CYRIA: variants seen among roughly 807,000 people sequenced by gnomAD.
CYRIA encodes CYFIP-related Rac1 interactor A.
In CYRIA, 15 loss-of-function variants were observed where a neutral mutation model predicts 43.9. The observed-to-expected ratio is 0.34, with a 90% CI of 0.23 to 0.53. CYRIA has a LOEUF of 0.53. Ranked by LOEUF, CYRIA falls within the 20% of genes least tolerant of loss-of-function variation. The probability of loss-of-function intolerance (pLI) is 0.94; values close to 1 mark genes in which losing one functional copy is unlikely to be tolerated. For synonymous variants in CYRIA, 117 were observed against 136.0 expected (o/e 0.86, Z 0.97); for missense variants, 236 against 394.2 (o/e 0.60, Z 3.40).
At chr2:16,612,303 G>C (rs1281337739) in intron 2 of CYRIA, among the ~76,000 whole-genome samples, 1 of 152,020 alleles carries the variant, frequency 6.6e-6, no homozygotes, top group Admixed American at 6.5e-5. Flanking sequence ...AGGGCATGTG[G>C]ATGGGAGGGG....
At chr2:16,634,443 G>A (rs916565805) in intron 1 of CYRIA, among the ~76,000 whole-genome samples, 1 of 152,200 alleles carries the variant, frequency 6.6e-6, no homozygotes, top group Non-Finnish European at 1.5e-5. Context: ...AGACCATTCT[G>A]TCCAGGACCC....
chr2:16,656,658 A>T (rs1670121664), intron 1 of CYRIA, among the ~76,000 whole-genome samples: 1 of 152,270 alleles, frequency 6.6e-6, no homozygotes. Context: ...ATTCTGAAAG[A>T]AATGTTAATC....
At chr2:16,581,502 T>TATATA (rs1044311287) in intron 3 of CYRIA, among the ~76,000 whole-genome samples, 5 of 152,290 alleles carry the variant, frequency 3.3e-5, no homozygotes, top group Non-Finnish European at 5.9e-5. Context: ...GGCAGGAATG[T>TATATA]AAAATAGCAC....
chr2:16,608,740 T>C (rs1479604003), intron 2 of CYRIA, among the ~76,000 whole-genome samples: 2 of 152,222 alleles, frequency 1.3e-5, no homozygotes, highest in Non-Finnish European at 2.9e-5. Flanking sequence ...CAAATAAGTA[T>C]CTGCGCCCCC....
At chr2:16,563,848 G>A (rs1419373422) in intron 5 of CYRIA, 141 bp downstream of exon 5, 1 of 600,854 alleles carries the variant, frequency 1.7e-6, no homozygotes, top group East Asian at 2.9e-5. Context: ...GACAAGAGTT[G>A]TTGCTCATAA....
At chr2:16,577,316 A>T (rs1158990981) in intron 3 of CYRIA, among the ~76,000 whole-genome samples, 1 of 152,196 alleles carries the variant, frequency 6.6e-6, no homozygotes, top group African/African-American at 2.4e-5. Context: ...ATGATACAAA[A>T]TAATGTTAAT....
At chr2:16,653,828 T>C (rs1670032941) in intron 1 of CYRIA, among the ~76,000 whole-genome samples, 1 of 152,246 alleles carries the variant, frequency 6.6e-6, no homozygotes, top group Admixed American at 6.5e-5. Context: ...AAACAGGATG[T>C]AGCTCATGTG....
intron 3 of CYRIA, among the ~76,000 whole-genome samples, chr2:16,567,082 G>T (rs1033689336): frequency 6.6e-6 from 1 of 152,064 alleles, no homozygotes; most frequent in African/African-American, 2.4e-5. Flanking sequence ...TCCTGCAAGA[G>T]GGTTGTTTAC....
rs80193641 is a variant in CYRIA, at chr2:16,662,804, C to G, written c.-167+2976G>C. Among the ~76,000 whole-genome samples the G allele has an allele frequency of 1.5e-4, 23 of 152,096 alleles. No individual in the cohort carries two copies. The East Asian group carries it at 4.4e-3, about 29-fold the overall frequency. ...ACCTGATTCAACCCTCATGGGTGACCTAGTCAAGTGGCCACCTCTGGGCCC... is the reference window on the plus strand; with the variant it reads ...ACCTGATTCAACCCTCATGGGTGACGTAGTCAAGTGGCCACCTCTGGGCCC... On this transcript the variant is annotated intron_variant, in intron 1 of 11. Transcript: ENST00000381323.
intron 2 of CYRIA, among the ~76,000 whole-genome samples, chr2:16,589,558 T>C (rs187001734): frequency 6.6e-6 from 1 of 152,230 alleles, no homozygotes; most frequent in Admixed American, 6.5e-5. Context: ...GCAAGAGATT[T>C]CATCTCCATA....
intron 10 of CYRIA, among the ~76,000 whole-genome samples, chr2:16,556,095 T>C (rs1485809678): frequency 3.3e-5 from 5 of 152,166 alleles, no homozygotes; most frequent in Non-Finnish European, 5.9e-5. Flanking sequence ...TATGCTGTTA[T>C]ATATTGGATT....
At chr2:16,573,515 T>C (rs1667214869) in intron 3 of CYRIA, among the ~76,000 whole-genome samples, 1 of 152,226 alleles carries the variant, frequency 6.6e-6, no homozygotes, top group South Asian at 2.1e-4. Context: ...GGAAAATCAA[T>C]GAAGCACATT....
chr2:16,653,580 CA>C (rs1670027519), intron 1 of CYRIA, among the ~76,000 whole-genome samples: 2 of 151,308 alleles, frequency 1.3e-5, no homozygotes, highest in South Asian at 2.1e-4. Context: ...CATCTTTCCC[CA>C]ACAAAATATA....
chr2:16,651,402 C>T (rs1669973142), intron 1 of CYRIA, among the ~76,000 whole-genome samples: 1 of 152,184 alleles, frequency 6.6e-6, no homozygotes, highest in Non-Finnish European at 1.5e-5. Flanking sequence ...AAGCCAAATA[C>T]TAATATAAAA....
At chr2:16,604,609 G>A (rs939212877) in intron 2 of CYRIA, among the ~76,000 whole-genome samples, 11 of 152,194 alleles carry the variant, frequency 7.2e-5, no homozygotes, top group Non-Finnish European at 4.4e-5. Flanking sequence ...ATATCAATAG[G>A]TGGTGTTAAA....
intron 1 of CYRIA, among the ~76,000 whole-genome samples, chr2:16,662,738 C>T (rs954711565): frequency 6.6e-6 from 1 of 152,206 alleles, no homozygotes; most frequent in African/African-American, 2.4e-5. Context: ...CTCAAGTGGA[C>T]AGTGGAAGGA....
rs1377734549 is a variant in CYRIA at position 16,623,561 on chromosome 2, C to A, written c.-11+303G>T. 2.0e-5 allele frequency among the ~76,000 whole-genome samples: 3 copies of A among 152,140 alleles called. No individual in the cohort carries two copies. In the East Asian group the frequency reaches 5.8e-4, roughly 29 times the overall value. ...CCTCCTACTGTCTAAATCTAGTTGG[C>A]TAGCATGGGCAGAAAGGAACACTAA... On this transcript the variant is annotated intron_variant, in intron 2 of 11. Transcript: ENST00000381323.
intron 1 of CYRIA, among the ~76,000 whole-genome samples, chr2:16,656,917 A>C (rs760331778): frequency 2.6e-5 from 4 of 152,118 alleles, no homozygotes; most frequent in Admixed American, 6.6e-5. Context: ...GCACAGAAAC[A>C]CTAGAGCTGT....
intron 1 of CYRIA, among the ~76,000 whole-genome samples, chr2:16,634,215 T>C (rs1334993619): frequency 6.6e-6 from 1 of 152,192 alleles, no homozygotes; most frequent in Non-Finnish European, 1.5e-5. Flanking sequence ...ACACCAACAC[T>C]AGGAAGGGGA....
Sources: gnomAD v4.1 joint callset for allele counts (sites outside exome capture counted in the v4.1 genomes callset) on GRCh38, gnomAD v4.1.1 for gene constraint, MANE v1.5 for transcripts, NCBI Gene and HGNC (gene_info 2026-07-23, HGNC 2026-07-21) for gene names.